The following SETBP1 variants were observed in gnomAD, a reference collection of about 807,000 sequenced individuals.
SETBP1 encodes SET binding protein 1, also known as SET-binding protein.
SETBP1 carries 9 observed loss-of-function variants against 101.0 expected under a neutral mutation model. The observed-to-expected ratio is 0.09, with a 90% CI of 0.05 to 0.16. SETBP1 has a LOEUF of 0.16. Ranked by LOEUF, SETBP1 falls within the 10% of genes least tolerant of loss-of-function variation. The pLI is 1.00. For synonymous variants in SETBP1, 818 were observed against 788.5 expected (o/e 1.04, Z -0.63); for missense variants, 1,858 against 2,033.8 (o/e 0.91, Z 1.66).
At chr18:44,992,859 A>G (rs868467095) in intron 4 of SETBP1, among the ~76,000 whole-genome samples, 38 of 152,168 alleles carry the variant, frequency 2.5e-4, no homozygotes, top group Non-Finnish European at 4.4e-4. Flanking sequence ...ATGAGAAAAA[A>G]GAAATAATAG....
At chr18:44,776,544 G>C (rs937052217) in intron 2 of SETBP1, among the ~76,000 whole-genome samples, 2 of 152,136 alleles carry the variant, frequency 1.3e-5, no homozygotes, top group Non-Finnish European at 2.9e-5. Context: ...AAGCTCCTGG[G>C]CTCCAGGGCA....
intron 2 of SETBP1, among the ~76,000 whole-genome samples, chr18:44,806,444 G>T (rs1000954564): frequency 1.3e-5 from 2 of 151,850 alleles, no homozygotes; most frequent in Admixed American, 1.3e-4. Context: ...CTGTCTCGCT[G>T]TATGTGTGTG....
At chr18:45,027,749 C>G (rs543694587) in intron 4 of SETBP1, among the ~76,000 whole-genome samples, 9 of 152,258 alleles carry the variant, frequency 5.9e-5, no homozygotes, top group African/African-American at 1.9e-4. Flanking sequence ...GCTGCCATAA[C>G]AAATTTCCAC....
intron 5 of SETBP1, 80 bp downstream of exon 5, chr18:45,038,735 T>G (rs1299867923): frequency 4.8e-6 from 7 of 1,466,740 alleles, no homozygotes; most frequent in Non-Finnish European, 6.6e-6. Context: ...GCCTGTTGAA[T>G]ACAGGTAAGA....
intron 2 of SETBP1, among the ~76,000 whole-genome samples, chr18:44,833,719 A>G (rs2072428791): frequency 6.6e-6 from 1 of 152,216 alleles, no homozygotes. Flanking sequence ...CAAATGCTGC[A>G]TTTCCTGGCT....
intron 3 of SETBP1, among the ~76,000 whole-genome samples, chr18:44,930,904 AT>A (rs1237515795): frequency 6.7e-6 from 1 of 149,786 alleles, no homozygotes; most frequent in Non-Finnish European, 1.5e-5. Context: ...GGATTCATTG[AT>A]TTTTTTGAAG....
At chr18:44,766,678 G>A (rs187022709) in intron 2 of SETBP1, among the ~76,000 whole-genome samples, 1 of 152,270 alleles carries the variant, frequency 6.6e-6, no homozygotes, top group Admixed American at 6.5e-5. Flanking sequence ...ACACTTAAAA[G>A]TGGTTGAAAA....
intron 2 of SETBP1, among the ~76,000 whole-genome samples, chr18:44,785,699 G>A (rs1014290170): frequency 7.2e-5 from 11 of 152,050 alleles, no homozygotes; most frequent in Admixed American, 4.6e-4. Flanking sequence ...TTTACCTTTG[G>A]TTCTTCCCCT....
intron 5 of SETBP1, among the ~76,000 whole-genome samples, chr18:45,053,465 T>A (rs941754604): frequency 6.6e-6 from 1 of 152,160 alleles, no homozygotes; most frequent in Non-Finnish European, 1.5e-5. Context: ...TTTCAAGAAA[T>A]TGAGAGATTT....
At chr18:44,961,077 T>C (rs1286853012) in intron 4 of SETBP1, among the ~76,000 whole-genome samples, 5 of 152,122 alleles carry the variant, frequency 3.3e-5, no homozygotes, top group African/African-American at 1.2e-4. Flanking sequence ...CAGTTGCCAG[T>C]GCTGTGCAGA....
At chr18:44,820,348 G>A (rs2072085563) in intron 2 of SETBP1, among the ~76,000 whole-genome samples, 1 of 152,210 alleles carries the variant, frequency 6.6e-6, no homozygotes, top group Non-Finnish European at 1.5e-5. Context: ...GACATCATCT[G>A]TTTCCTAACT....
Position 45,063,244 on chromosome 18 carries a change from G to C in SETBP1, c.4337G>C (p.Gly1446Ala), listed in dbSNP as rs1336263465. Residue 1446 changes from glycine to alanine, a missense_variant, in exon 6 of 6, where the codon GGC (glycine) becomes GCC (alanine). Around this residue, in one of 12 missense-constraint regions of SETBP1, gnomAD observed 26 missense variants for 56.3 expected, o/e 0.46. Coordinates refer to ENST00000649279, the MANE Select transcript of SETBP1 (RefSeq NM_015559.3). The stretch of plus-strand genomic sequence containing the variant: ...CGGCTGCAGAGACAATCAAAAACAG[G>C]CAACAACTTCGTGAAGAAGAGGCGC... ...AKRLQRQSKT[G>A]NNFVKKRRGR... 5.0e-6 allele frequency: 8 copies of C among 1,613,840 alleles called. No homozygotes were observed. The highest frequency in any genetic ancestry group is 6.8e-6 in the Non-Finnish European group (8 of 1,179,882).
At chr18:45,040,627 C>T (rs2073489953) in intron 5 of SETBP1, among the ~76,000 whole-genome samples, 2 of 152,190 alleles carry the variant, frequency 1.3e-5, no homozygotes, top group South Asian at 4.1e-4. Flanking sequence ...CACTCTTTCC[C>T]TTCAGTATAA....
intron 3 of SETBP1, among the ~76,000 whole-genome samples, chr18:44,909,808 C>T (rs16978226): frequency 0.053 from 8,046 of 152,206 alleles, 716 homozygotes; most frequent in African/African-American, 0.18. Flanking sequence ...TGATCCGAGA[C>T]GTACCATGCT....
At chr18:44,990,066 T>C (rs990896005) in intron 4 of SETBP1, among the ~76,000 whole-genome samples, 2 of 151,274 alleles carry the variant, frequency 1.3e-5, no homozygotes, top group South Asian at 4.2e-4. Context: ...TAAAGAAAAA[T>C]AACTTGTGAA....
chr18:44,742,970 T>TCC (rs958072428), intron 2 of SETBP1, among the ~76,000 whole-genome samples: 34 of 114,656 alleles, frequency 3.0e-4, no homozygotes, highest in African/African-American at 1.0e-3. Flanking sequence ...TCTCTCTCTC[T>TCC]CCCCCCCTGT....
intron 2 of SETBP1, among the ~76,000 whole-genome samples, chr18:44,775,070 A>G (rs1457182415): frequency 6.6e-6 from 1 of 152,206 alleles, no homozygotes; most frequent in Admixed American, 6.5e-5. Flanking sequence ...CCTTCAAATC[A>G]ATGCACCTTG....
chr18:44,937,797 G>T (rs939706608), intron 3 of SETBP1, among the ~76,000 whole-genome samples: 37 of 152,130 alleles, frequency 2.4e-4, no homozygotes, highest in Admixed American at 1.5e-3. Context: ...ACTCTTGTGC[G>T]CTCTGAATAT....
intron 2 of SETBP1, among the ~76,000 whole-genome samples, chr18:44,831,068 T>C (rs912957026): frequency 6.6e-6 from 1 of 152,222 alleles, no homozygotes; most frequent in Non-Finnish European, 1.5e-5. Flanking sequence ...TTTTCTGTTT[T>C]TATTCGCAAT....
Sources: allele counts gnomAD v4.1 joint callset (sites outside exome capture counted in the v4.1 genomes callset), GRCh38; gene constraint gnomAD v4.1.1; regional missense constraint gnomAD v4.1.1; transcripts MANE v1.5; gene names NCBI Gene and HGNC (gene_info 2026-07-23, HGNC 2026-07-21).